The following ZC3H12B variants were observed in gnomAD, a reference collection of about 807,000 sequenced individuals.
The protein encoded by ZC3H12B is probable ribonuclease ZC3H12B.
A neutral mutation model predicts 43.9 loss-of-function variants in ZC3H12B; 7 were observed. That is an observed-to-expected ratio of 0.16 (90% CI 0.09 to 0.30). The LOEUF (loss-of-function observed/expected upper bound fraction) is 0.30, where lower values mean the gene tolerates loss of function less well. ZC3H12B is among the 10% of genes least tolerant of loss of function. ZC3H12B has a pLI of 1.00. For synonymous variants in ZC3H12B, 222 were observed against 241.7 expected (o/e 0.92, Z 0.76); for missense variants, 475 against 670.2 (o/e 0.71, Z 3.22).
chrX:65,073,864 G>C, the ZC3H12B span, among the ~76,000 whole-genome samples: 1 of 111,463 alleles, frequency 9.0e-6, no homozygotes, highest in African/African-American at 3.3e-5. Context: ...CCCTGTGCAG[G>C]GTTCCCAGCT....
chrX:65,121,044 C>T, the ZC3H12B span, among the ~76,000 whole-genome samples: 1 of 111,089 alleles, frequency 9.0e-6, no homozygotes, highest in Non-Finnish European at 1.9e-5. Context: ...CTGCAGGATT[C>T]TTTTTGCCAG....
intron 3 of ZC3H12B, among the ~76,000 whole-genome samples, chrX:65,407,324 C>A (rs1235083818): frequency 8.3e-3 from 1 of 120 alleles, no homozygotes; most frequent in Non-Finnish European, 0.016. Context: ...CCCCGTCGGG[C>A]CCGGAGGTTT....
chrX:65,221,392 A>G, the ZC3H12B span, among the ~76,000 whole-genome samples: 1 of 111,868 alleles, frequency 8.9e-6, no homozygotes, highest in South Asian at 3.6e-4. Context: ...TACCAAAGAT[A>G]AATAAAACAA....
the ZC3H12B span, among the ~76,000 whole-genome samples, chrX:65,162,270 T>C: frequency 1.2e-4 from 13 of 111,114 alleles, no homozygotes; most frequent in African/African-American, 4.3e-4. Flanking sequence ...TCGAGGAGTA[T>C]TTTTGTGGTG....
chrX:65,449,007 AAAG>A (rs2067429337), intron 3 of ZC3H12B, among the ~76,000 whole-genome samples: 1 of 106,973 alleles, frequency 9.3e-6, no homozygotes, highest in Non-Finnish European at 1.9e-5. Flanking sequence ...GGAAAGAAAG[AAAG>A]AAAGGAAGGA....
the ZC3H12B span, among the ~76,000 whole-genome samples, chrX:65,264,684 T>A: frequency 1.2e-4 from 13 of 111,846 alleles, no homozygotes; most frequent in Non-Finnish European, 9.4e-5. Flanking sequence ...ATGAAAAAAC[T>A]GAAGTCCAGA....
At chrX:65,124,871 TCTC>T in the ZC3H12B span, among the ~76,000 whole-genome samples, 1 of 111,515 alleles carries the variant, frequency 9.0e-6, no homozygotes, top group South Asian at 3.7e-4. Flanking sequence ...TTGGATTTTC[TCTC>T]CTCTTTTCTT....
At chrX:65,230,778 G>T in the ZC3H12B span, among the ~76,000 whole-genome samples, 1 of 111,133 alleles carries the variant, frequency 9.0e-6, no homozygotes, top group Admixed American at 9.6e-5. Context: ...ATAGGAAAAT[G>T]CTTAAGGGAA....
At chrX:65,306,853 A>C in the ZC3H12B span, among the ~76,000 whole-genome samples, 2 of 112,644 alleles carry the variant, frequency 1.8e-5, no homozygotes, top group Non-Finnish European at 3.7e-5. Context: ...AAAAGGAATT[A>C]CTATTGATAC....
chrX:65,442,516 GC>G (rs2067315366), intron 3 of ZC3H12B, among the ~76,000 whole-genome samples: 1 of 110,969 alleles, frequency 9.0e-6, no homozygotes, highest in African/African-American at 3.3e-5. Context: ...AACCAGCCCA[GC>G]CGTCGACCCC....
chrX:65,134,461 A>G, the ZC3H12B span, among the ~76,000 whole-genome samples: 1 of 111,742 alleles, frequency 8.9e-6, no homozygotes, highest in Non-Finnish European at 1.9e-5. Flanking sequence ...TCTCTACTAG[A>G]GAGGAAAAAG....
chrX:65,120,450 T>G, the ZC3H12B span, among the ~76,000 whole-genome samples: 1 of 111,553 alleles, frequency 9.0e-6, no homozygotes. Context: ...TCTCTGTTTG[T>G]CTGTTATTGG....
chrX:65,331,724 G>T, the ZC3H12B span, among the ~76,000 whole-genome samples: 1 of 110,979 alleles, frequency 9.0e-6, no homozygotes, highest in African/African-American at 3.3e-5. Context: ...TGCTAAGCAA[G>T]GGGTGTATTA....
the ZC3H12B span, among the ~76,000 whole-genome samples, chrX:65,349,620 AAAAAG>A: frequency 8.9e-6 from 1 of 111,878 alleles, no homozygotes; most frequent in Non-Finnish European, 1.9e-5. Flanking sequence ...CAGACTAATA[AAAAAG>A]AAAAGAGAGA....
the ZC3H12B span, among the ~76,000 whole-genome samples, chrX:65,315,878 C>A: frequency 9.0e-6 from 1 of 111,540 alleles, no homozygotes; most frequent in South Asian, 3.7e-4. Context: ...AGATCATCCA[C>A]ATCCAGTAAA....
At chrX:65,068,044 A>G in the ZC3H12B span, among the ~76,000 whole-genome samples, 5 of 108,907 alleles carry the variant, frequency 4.6e-5, no homozygotes, top group Non-Finnish European at 7.6e-5. Flanking sequence ...GTAATTTCCA[A>G]AATTTCTCTT....
At chrX:65,343,715 A>T in the ZC3H12B span, among the ~76,000 whole-genome samples, 2 of 112,408 alleles carry the variant, frequency 1.8e-5, no homozygotes, top group African/African-American at 6.4e-5. Flanking sequence ...TACAGCCAAC[A>T]TCATACTTAA....
chrX:65,469,291 G>A (rs554021620), intron 3 of ZC3H12B: 62 of 274,783 alleles, frequency 2.3e-4, no homozygotes, highest in African/African-American at 1.3e-3. Flanking sequence ...TGCTCCGAGC[G>A]CATCAAGTAC....
At chrX:65,452,712 G>T (rs922409945) in intron 3 of ZC3H12B, among the ~76,000 whole-genome samples, 1 of 110,643 alleles carries the variant, frequency 9.0e-6, no homozygotes, top group South Asian at 3.8e-4. Context: ...GTAGTGGTAG[G>T]TGCCTGTAAT....
Sources: gnomAD v4.1 joint callset for allele counts (sites outside exome capture counted in the v4.1 genomes callset) on GRCh38, gnomAD v4.1.1 for gene constraint, MANE v1.5 for transcripts, NCBI Gene and HGNC (gene_info 2026-07-23, HGNC 2026-07-21) for gene names.